Variants in ANO2 observed in about 807,000 individuals in gnomAD.
ANO2 encodes the protein anoctamin 2.
A neutral mutation model predicts 124.2 loss-of-function variants in ANO2; 101 were observed. The ratio of observed to expected loss-of-function variants is 0.81; its 90% CI spans 0.69 to 0.96. The LOEUF (loss-of-function observed/expected upper bound fraction) is 0.96, where lower values mean the gene tolerates loss of function less well. Among genes scored for constraint, ANO2 ranks in the 40% least tolerant of loss-of-function variants. ANO2 has a pLI of 0.00. For missense variants in ANO2, 1,293 were observed against 1,274.5 expected, an observed-to-expected ratio of 1.01 and a Z score of -0.22; for synonymous variants, 486 against 482.5, an observed-to-expected ratio of 1.01 and a Z score of -0.09.
intron 19 of ANO2, among the ~76,000 whole-genome samples, chr12:5,608,471 A>G (rs1424989336): frequency 3.9e-5 from 6 of 152,012 alleles, no homozygotes; most frequent in Non-Finnish European, 8.8e-5. Flanking sequence ...ACATCTTTTG[A>G]AAGAGGGGTG....
At chr12:5,920,984 G>GGTA in intron 3 of ANO2, 56 bp downstream of exon 3, 1 of 1,547,146 alleles carries the variant, frequency 6.5e-7, no homozygotes, top group Non-Finnish European at 8.8e-7. Context: ...CTCACTAGGA[G>GGTA]CCCGGTTCTG....
intron 7 of ANO2, among the ~76,000 whole-genome samples, chr12:5,815,265 C>A (rs1317660808): frequency 6.6e-6 from 1 of 152,182 alleles, no homozygotes; most frequent in Non-Finnish European, 1.5e-5. Flanking sequence ...TTTTCCATCT[C>A]CCACACTGCA....
rs765647623 is a variant in ANO2, at chr12:5,582,180, C to T, written c.2234-3662G>A. On this transcript the variant is annotated intron_variant, in intron 20 of 24. Coordinates refer to ENST00000682330, the MANE Select transcript of ANO2 (RefSeq NM_001364791.2). ...GTGCGCTGCATAATAGAAGCCAGCT[C>T]GGCCTGACCAATAACAGATTAAGCC... Among the ~76,000 whole-genome samples, 8 of 152,204 alleles carry T rather than the reference C, an allele frequency of 5.3e-5. No homozygotes were observed. The South Asian group carries it at 6.2e-4, about 12-fold the overall frequency.
chr12:5,725,097 T>TCACA (rs35973206), intron 14 of ANO2, among the ~76,000 whole-genome samples: 37,767 of 143,348 alleles, frequency 0.26, 4,773 homozygotes, highest in Admixed American at 0.34. Context: ...TGTCTCCCTC[T>TCACA]CACACACACA....
At chr12:5,937,131 C>G (rs546125374) in intron 1 of ANO2, among the ~76,000 whole-genome samples, 1 of 152,226 alleles carries the variant, frequency 6.6e-6, no homozygotes, top group Admixed American at 6.5e-5. Flanking sequence ...TCTTTAGCAA[C>G]TTCAAACTGT....
At chr12:5,644,764 C>A (rs1202487857) in intron 15 of ANO2, among the ~76,000 whole-genome samples, 1 of 152,192 alleles carries the variant, frequency 6.6e-6, no homozygotes, top group Non-Finnish European at 1.5e-5. Context: ...ATAGCAAACT[C>A]TCAGTTTCTA....
chr12:5,888,777 G>A (rs1939164692), intron 3 of ANO2, among the ~76,000 whole-genome samples: 1 of 152,186 alleles, frequency 6.6e-6, no homozygotes, highest in South Asian at 2.1e-4. Flanking sequence ...CAATCCCTTA[G>A]CTGGACATAA....
intron 10 of ANO2, among the ~76,000 whole-genome samples, chr12:5,765,882 G>C (rs1951875855): frequency 6.6e-6 from 1 of 152,168 alleles, no homozygotes; most frequent in African/African-American, 2.4e-5. Context: ...AGATAATCCA[G>C]TAGAAAAATG....
chr12:5,624,441 G>C (rs1216793624), intron 16 of ANO2, among the ~76,000 whole-genome samples: 1 of 152,098 alleles, frequency 6.6e-6, no homozygotes, highest in Non-Finnish European at 1.5e-5. Context: ...GAGCAGGAAG[G>C]TGTGCCCTGT....
intron 3 of ANO2, among the ~76,000 whole-genome samples, chr12:5,856,844 G>A (rs1458353067): frequency 1.3e-5 from 2 of 152,208 alleles, no homozygotes; most frequent in East Asian, 3.8e-4. Flanking sequence ...TTACACTAAC[G>A]AATGCAAAAT....
intron 14 of ANO2, among the ~76,000 whole-genome samples, chr12:5,687,101 G>T (rs1948740776): frequency 6.6e-6 from 1 of 152,232 alleles, no homozygotes; most frequent in South Asian, 2.1e-4. Context: ...ACTGAGTTAA[G>T]CACTTGGCAC....
chr12:5,648,542 G>A (rs543000602), intron 14 of ANO2, among the ~76,000 whole-genome samples: 2 of 152,280 alleles, frequency 1.3e-5, no homozygotes, highest in South Asian at 2.1e-4. Context: ...CTCCTTCAGC[G>A]TGCTCTGAGG....
At chr12:5,645,541 A>T (rs1946596826) in intron 15 of ANO2, among the ~76,000 whole-genome samples, 1 of 152,148 alleles carries the variant, frequency 6.6e-6, no homozygotes, top group Non-Finnish European at 1.5e-5. Context: ...TTTCTAGCAG[A>T]TAGAGGTTTA....
At chr12:5,909,424 A>G (rs1346418445) in intron 3 of ANO2, among the ~76,000 whole-genome samples, 1 of 152,240 alleles carries the variant, frequency 6.6e-6, no homozygotes, top group Non-Finnish European at 1.5e-5. Flanking sequence ...ACCTTACTCC[A>G]AGTCATGGGA....
At chr12:5,599,112 A>C (rs1943805046) in intron 20 of ANO2, among the ~76,000 whole-genome samples, 1 of 152,170 alleles carries the variant, frequency 6.6e-6, no homozygotes, top group East Asian at 1.9e-4. Context: ...CATGGAAACT[A>C]TATTCTTAAA....
chr12:5,912,174 C>G (rs1227018011), intron 3 of ANO2, among the ~76,000 whole-genome samples: 1 of 152,206 alleles, frequency 6.6e-6, no homozygotes, highest in East Asian at 1.9e-4. Flanking sequence ...CTCCCTTCCT[C>G]CTCCGTGTAA....
chr12:5,577,306 T>G (rs565487054), intron 22 of ANO2, among the ~76,000 whole-genome samples: 3 of 152,380 alleles, frequency 2.0e-5, no homozygotes, highest in Admixed American at 6.5e-5. Flanking sequence ...GCTTTCTTTG[T>G]GTGCACTGAG....
At chr12:5,940,877 A>C (rs1942866903) in intron 1 of ANO2, among the ~76,000 whole-genome samples, 1 of 152,256 alleles carries the variant, frequency 6.6e-6, no homozygotes, top group Non-Finnish European at 1.5e-5. Flanking sequence ...CAAATGGATA[A>C]ACAAAATGTA....
chr12:5,743,895 T>C (rs1951182789), intron 12 of ANO2, among the ~76,000 whole-genome samples: 1 of 152,192 alleles, frequency 6.6e-6, no homozygotes, highest in African/African-American at 2.4e-5. Context: ...TTGGTTCAAA[T>C]TCTGAATAAA....
Sources: gnomAD v4.1 joint callset for allele counts (sites outside exome capture counted in the v4.1 genomes callset) on GRCh38, gnomAD v4.1.1 for gene constraint, MANE v1.5 for transcripts, NCBI Gene and HGNC (gene_info 2026-07-23, HGNC 2026-07-21) for gene names.